The following ZNF804B variants were observed in gnomAD, a reference collection of about 807,000 sequenced individuals.
The protein encoded by ZNF804B is zinc finger 804B.
A neutral mutation model predicts 101.4 loss-of-function variants in ZNF804B; 80 were observed. The observed-to-expected ratio is 0.79, with a 90% confidence interval of 0.66 to 0.95. ZNF804B has a LOEUF of 0.95. Among genes scored for constraint, ZNF804B ranks in the 40% least tolerant of loss-of-function variants. The probability of loss-of-function intolerance (pLI) is 0.00; values close to 1 mark genes in which losing one functional copy is unlikely to be tolerated. For missense variants in ZNF804B, 1,673 were observed against 1,561.9 expected (o/e 1.07, Z -1.20); for synonymous variants, 622 against 558.8 (o/e 1.11, Z -1.59).
At chr7:88,809,060 T>G (rs1790735077) in intron 1 of ZNF804B, among the ~76,000 whole-genome samples, 1 of 152,170 alleles carries the variant, frequency 6.6e-6, no homozygotes, top group African/African-American at 2.4e-5. Context: ...TAGAAGTATC[T>G]AAAATAACTA....
At chr7:89,078,155 C>T (rs977579699) in intron 1 of ZNF804B, among the ~76,000 whole-genome samples, 4 of 152,062 alleles carry the variant, frequency 2.6e-5, no homozygotes, top group Non-Finnish European at 4.4e-5. Context: ...TCCTTCCTGT[C>T]TAAATATTTA....
At chr7:89,218,736 A>G (rs1788933877) in intron 2 of ZNF804B, among the ~76,000 whole-genome samples, 1 of 152,266 alleles carries the variant, frequency 6.6e-6, no homozygotes, top group East Asian at 1.9e-4. Context: ...TATATGTTAC[A>G]TGTATTATAT....
At chr7:88,902,247 TAA>T (rs1792402908) in intron 1 of ZNF804B, among the ~76,000 whole-genome samples, 1 of 152,008 alleles carries the variant, frequency 6.6e-6, no homozygotes, top group Non-Finnish European at 1.5e-5. Context: ...GATACAATCC[TAA>T]GTTTTTATTA....
intron 1 of ZNF804B, among the ~76,000 whole-genome samples, chr7:89,141,014 A>G (rs1041533601): frequency 6.6e-6 from 1 of 151,972 alleles, no homozygotes; most frequent in African/African-American, 2.4e-5. Flanking sequence ...TAGGATTATT[A>G]ATTGGCCTAA....
chr7:89,336,302 T>A lies in ZNF804B; in HGVS notation c.3320T>A (p.Ile1107Lys). ...NLDLQDVSMHINHVEGNINSY... is the reference protein window; with the variant it reads ...NLDLQDVSMHKNHVEGNINSY... ...GACTTACAGGATGTAAGCATGCATA[T>A]AAATCATGTAGAGGGAAATATAAAC... is the stretch of plus-strand genomic sequence containing the variant. Residue 1107 changes from isoleucine to lysine, a missense_variant, in exon 4 of 4, where the codon ATA (isoleucine) becomes AAA (lysine). Transcript: ENST00000333190. 6.2e-7 allele frequency: 1 copy of A among 1,613,806 alleles called. No individual in the cohort carries two copies. Among genetic ancestry groups the A allele is most frequent in the Non-Finnish European group, 8.5e-7 (1 of 1,179,922 alleles).
At chr7:89,219,963 GCA>G (rs1491515963) in intron 2 of ZNF804B, among the ~76,000 whole-genome samples, 2 of 106,040 alleles carry the variant, frequency 1.9e-5, no homozygotes, top group African/African-American at 4.0e-5. Context: ...ATATATGTGT[GCA>G]TATATATGTA....
intron 1 of ZNF804B, among the ~76,000 whole-genome samples, chr7:89,201,836 T>C (rs904356034): frequency 6.6e-6 from 1 of 152,044 alleles, no homozygotes; most frequent in African/African-American, 2.4e-5. Context: ...TTCTTATATA[T>C]CTAAGAGTCA....
chr7:89,253,966 G>T (rs887954411), intron 2 of ZNF804B, among the ~76,000 whole-genome samples: 1 of 151,868 alleles, frequency 6.6e-6, no homozygotes, highest in Non-Finnish European at 1.5e-5. Flanking sequence ...GAAAACCTTA[G>T]GAAACTAAAA....
At chr7:89,085,200 T>C (rs1789779559) in intron 1 of ZNF804B, among the ~76,000 whole-genome samples, 1 of 151,950 alleles carries the variant, frequency 6.6e-6, no homozygotes, top group Admixed American at 6.6e-5. Context: ...ATTCATAAAT[T>C]GACATGTTTT....
Position 88,877,050 on chromosome 7 carries a change from T to TAATATATATATAATATA in ZNF804B, c.108+116966_108+116967insAATATATATATAATATA, listed in dbSNP as rs1491216741. ...TAATATATATATATATATATATATA[T>TAATATATATATAATATA]TTTTTTTTTTTTTTTTTTTTTTTTT... On this transcript the variant is annotated intron_variant, in intron 1 of 3. Transcript: ENST00000333190. Among the ~76,000 whole-genome samples the TAATATATATATAATATA allele has an allele frequency of 2.0e-4, 4 of 20,206 alleles. 1 individual carries two copies. The highest frequency in any genetic ancestry group is 1.2e-3 in the African/African-American group (4 of 3,368). 13.3% of individuals were successfully genotyped at this position (20,206 alleles called of 152,430 possible).
rs1791113518 is a variant in ZNF804B, at chr7:89,337,289, T to C, written c.*257T>C. ...GAAGAGGGAAAGAGTTAAAGATTTGTTTTGGATGGGTTCTCGCATAATGTT... is the reference window on the plus strand; with the variant it reads ...GAAGAGGGAAAGAGTTAAAGATTTGCTTTGGATGGGTTCTCGCATAATGTT... On this transcript the variant is annotated 3_prime_UTR_variant, in exon 4 of 4. Transcript: ENST00000333190. Among the ~76,000 whole-genome samples, 1 of 152,006 alleles carries C rather than the reference T, an allele frequency of 6.6e-6. No homozygotes were observed. Among genetic ancestry groups the C allele is most frequent in the Non-Finnish European group, 1.5e-5 (1 of 67,998 alleles).
intron 2 of ZNF804B, among the ~76,000 whole-genome samples, chr7:89,229,187 C>T (rs1012450612): frequency 9.9e-5 from 15 of 152,212 alleles, no homozygotes; most frequent in Non-Finnish European, 1.5e-4. Flanking sequence ...TGTGCAGCGG[C>T]GGGCTGAAGG....
At chr7:88,993,701 T>A (rs73202774) in intron 1 of ZNF804B, among the ~76,000 whole-genome samples, 1 of 152,154 alleles carries the variant, frequency 6.6e-6, no homozygotes, top group Non-Finnish European at 1.5e-5. Flanking sequence ...CCAAAACATC[T>A]ATGTATTGTA....
intron 2 of ZNF804B, among the ~76,000 whole-genome samples, chr7:89,246,255 C>A (rs966699398): frequency 2.0e-5 from 3 of 152,188 alleles, no homozygotes; most frequent in African/African-American, 2.4e-5. Context: ...TGCAGTTTCT[C>A]CTGAACAATA....
At chr7:89,255,195 A>T (rs1789608176) in intron 2 of ZNF804B, among the ~76,000 whole-genome samples, 1 of 152,102 alleles carries the variant, frequency 6.6e-6, no homozygotes. Flanking sequence ...AGCAGGGGAA[A>T]TGCCAGACGC....
intron 1 of ZNF804B, among the ~76,000 whole-genome samples, chr7:88,903,924 ATTG>A (rs966315082): frequency 8.2e-4 from 125 of 151,938 alleles, no homozygotes; most frequent in African/African-American, 2.9e-3. Context: ...GATAGTTTCT[ATTG>A]TTGTGCAGAA....
intron 1 of ZNF804B, among the ~76,000 whole-genome samples, chr7:88,839,254 C>T (rs377764768): frequency 2.4e-4 from 36 of 152,030 alleles, no homozygotes; most frequent in African/African-American, 8.4e-4. Context: ...ACATTTGGCA[C>T]CTTGAGAAGC....
chr7:88,824,632 C>T (rs1369274099), intron 1 of ZNF804B, among the ~76,000 whole-genome samples: 1 of 152,142 alleles, frequency 6.6e-6, no homozygotes, highest in Admixed American at 6.6e-5. Flanking sequence ...TTGACCTGTT[C>T]CTGGCCCTTT....
At chr7:88,812,793 T>TCA (rs1160831215) in intron 1 of ZNF804B, among the ~76,000 whole-genome samples, 6 of 151,530 alleles carry the variant, frequency 4.0e-5, no homozygotes, top group East Asian at 1.9e-4. Flanking sequence ...AATAAGCCAG[T>TCA]CACACACACA....
Sources: allele counts gnomAD v4.1 joint callset (sites outside exome capture counted in the v4.1 genomes callset), GRCh38; gene constraint gnomAD v4.1.1; transcripts MANE v1.5; gene names NCBI Gene and HGNC (gene_info 2026-07-23, HGNC 2026-07-21).